Variants in MED12L observed in about 807,000 individuals in gnomAD.
MED12L encodes the protein mediator of RNA polymerase II transcription subunit 12-like protein.
Under a neutral mutation model 281.3 loss-of-function variants are expected in MED12L, and 60 were observed. The ratio of observed to expected loss-of-function variants is 0.21; its 90% confidence interval spans 0.17 to 0.26. The LOEUF (loss-of-function observed/expected upper bound fraction) is 0.26, where lower values mean the gene tolerates loss of function less well. Among genes scored for constraint, MED12L ranks in the 10% least tolerant of loss-of-function variants. The pLI, the probability that MED12L is intolerant of heterozygous loss-of-function variation, is 1.00. For synonymous variants in MED12L, 974 were observed against 987.2 expected (o/e 0.99, Z 0.25); for missense variants, 2,146 against 2,680.9 (o/e 0.80, Z 4.41).
chr3:151,271,473 C>T (rs1740933052), intron 16 of MED12L, among the ~76,000 whole-genome samples: 1 of 152,130 alleles, frequency 6.6e-6, no homozygotes, highest in South Asian at 2.1e-4. Flanking sequence ...CATGTTGCTT[C>T]CTTGTGACCT....
chr3:151,310,538 T>C (rs1747362494), intron 16 of MED12L, among the ~76,000 whole-genome samples: 1 of 152,250 alleles, frequency 6.6e-6, no homozygotes, highest in African/African-American at 2.4e-5. Context: ...AATGGTGTTC[T>C]GTAGGCCAGC....
At chr3:151,147,908 T>G (rs1426533261) in intron 5 of MED12L, among the ~76,000 whole-genome samples, 1 of 152,238 alleles carries the variant, frequency 6.6e-6, no homozygotes, top group African/African-American at 2.4e-5. Context: ...CTGGATTATG[T>G]GATGACATTA....
chr3:151,322,444 G>GC (rs1749102202), intron 16 of MED12L, among the ~76,000 whole-genome samples: 1 of 151,904 alleles, frequency 6.6e-6, no homozygotes, highest in Admixed American at 6.6e-5. Context: ...CAATTCACCT[G>GC]CCTTGGCCTC....
intron 16 of MED12L, among the ~76,000 whole-genome samples, chr3:151,204,686 G>A (rs1726111768): frequency 6.6e-6 from 1 of 152,212 alleles, no homozygotes; most frequent in Non-Finnish European, 1.5e-5. Flanking sequence ...CCACTGGAGG[G>A]TAGAGGAGAT....
At chr3:151,429,206 T>C (rs927788501) in intron 43 of MED12L, among the ~76,000 whole-genome samples, 1 of 152,090 alleles carries the variant, frequency 6.6e-6, no homozygotes, top group Non-Finnish European at 1.5e-5. Context: ...GGAGGAAAAT[T>C]GGCAAAAACA....
chr3:151,141,193 T>TTG (rs1716965574), intron 5 of MED12L, among the ~76,000 whole-genome samples: 10 of 105,106 alleles, frequency 9.5e-5, no homozygotes, highest in South Asian at 2.9e-4. Flanking sequence ...TTTTGTTTTT[T>TTG]TTTTTTTGTT....
At chr3:151,348,742 A>G (rs1332402716) in intron 16 of MED12L, among the ~76,000 whole-genome samples, 1 of 152,192 alleles carries the variant, frequency 6.6e-6, no homozygotes, top group Non-Finnish European at 1.5e-5. Context: ...TGAGAAAGAC[A>G]GACCGACACA....
intron 22 of MED12L, 28 bp from the exon 23 acceptor site, chr3:151,365,822 C>T (rs1755208006): frequency 2.5e-6 from 4 of 1,577,872 alleles, no homozygotes; most frequent in South Asian, 1.2e-5. Context: ...TACAAGGTTA[C>T]TTTCTGTGTC....
At chr3:151,420,228 G>A (rs186258613) in intron 43 of MED12L, among the ~76,000 whole-genome samples, 6 of 152,222 alleles carry the variant, frequency 3.9e-5, no homozygotes, top group Admixed American at 3.9e-4. Flanking sequence ...CTCTATTGTG[G>A]AATAGTAGAC....
At chr3:151,232,739 G>C (rs1055445119) in intron 16 of MED12L, among the ~76,000 whole-genome samples, 1 of 152,096 alleles carries the variant, frequency 6.6e-6, no homozygotes. Context: ...TAAATCATGA[G>C]AACTCATGGA....
At chr3:151,152,580 G>A (rs1427667654) in intron 5 of MED12L, among the ~76,000 whole-genome samples, 1 of 152,114 alleles carries the variant, frequency 6.6e-6, no homozygotes, top group Non-Finnish European at 1.5e-5. Context: ...CCTTTCTACT[G>A]ACTTTCATCC....
chr3:151,160,153 T>C (rs768395281), intron 8 of MED12L, 52 bp downstream of exon 8: 4 of 1,464,412 alleles, frequency 2.7e-6, no homozygotes, highest in African/African-American at 2.8e-5. Flanking sequence ...TGGGAAGTGA[T>C]TGAGTTGGGA....
intron 3 of MED12L, among the ~76,000 whole-genome samples, chr3:151,117,011 C>A (rs1013352195): frequency 6.6e-6 from 1 of 152,110 alleles, no homozygotes; most frequent in Non-Finnish European, 1.5e-5. Flanking sequence ...AAAGTTCATC[C>A]TGTTATTTTA....
intron 16 of MED12L, among the ~76,000 whole-genome samples, chr3:151,225,876 C>T (rs1730389880): frequency 6.6e-6 from 1 of 152,182 alleles, no homozygotes; most frequent in South Asian, 2.1e-4. Flanking sequence ...GACCTCTTTG[C>T]TTGCAGTTTT....
At chr3:151,342,455 A>G (rs1467176275) in intron 16 of MED12L, among the ~76,000 whole-genome samples, 1 of 152,240 alleles carries the variant, frequency 6.6e-6, no homozygotes, top group Admixed American at 6.5e-5. Flanking sequence ...GCAGCTCTGC[A>G]TCACTTGGGA....
intron 16 of MED12L, among the ~76,000 whole-genome samples, chr3:151,242,772 C>T (rs1403064075): frequency 1.3e-5 from 2 of 152,192 alleles, no homozygotes; most frequent in Non-Finnish European, 2.9e-5. Context: ...TGGAGAATGA[C>T]TTTGACGAGC....
chr3:151,426,999 G>A (rs1280990547), intron 43 of MED12L, among the ~76,000 whole-genome samples: 1 of 151,924 alleles, frequency 6.6e-6, no homozygotes, highest in African/African-American at 2.4e-5. Flanking sequence ...GTAATTTTTT[G>A]TAGAGATGGC....
rs922183386 is a variant in MED12L at position 151,321,590 on chromosome 3, A to G, written c.2251-28469A>G. Among the ~76,000 whole-genome samples the G allele has an allele frequency of 4.6e-5, 7 of 152,230 alleles. No homozygotes were observed. In the East Asian group the frequency reaches 1.2e-3, roughly 25 times the overall value. On this transcript the variant is annotated intron_variant, in intron 16 of 44. Transcript: ENST00000687756. Reference sequence around the variant, plus strand: ...AAGATCAACACCAGTAAGTAAAGTCATATACACACATTTAACGTTTAAACT... The same window carrying G: ...AAGATCAACACCAGTAAGTAAAGTCGTATACACACATTTAACGTTTAAACT...
At chr3:151,233,002 A>G (rs1282283273) in intron 16 of MED12L, among the ~76,000 whole-genome samples, 1 of 152,332 alleles carries the variant, frequency 6.6e-6, no homozygotes, top group African/African-American at 2.4e-5. Flanking sequence ...TCTAACAGCT[A>G]TTACCAGACA....
Sources: gnomAD v4.1 joint callset for allele counts (sites outside exome capture counted in the v4.1 genomes callset) on GRCh38, gnomAD v4.1.1 for gene constraint, MANE v1.5 for transcripts, NCBI Gene and HGNC (gene_info 2026-07-23, HGNC 2026-07-21) for gene names.